OR56B4: variants seen among roughly 807,000 people sequenced by gnomAD.
OR56B4 encodes the protein olfactory receptor 56B4.
For missense variants in OR56B4, 447 were observed against 384.6 expected (o/e 1.16, Z -1.36); for synonymous variants, 142 against 149.5 (o/e 0.95, Z 0.37).
In OR56B4 at chr11:6,108,595, A is replaced by T. The variant is rs780215111; in HGVS notation, c.817A>T (p.Ile273Phe). The change falls in exon 1 of 1, where the codon ATT becomes TTT. Residue 273 changes from isoleucine (I) to phenylalanine (F), a missense_variant. Transcript: ENST00000316529. ...TGTCACACACCTTGCAGAGAAAAAG[A>T]TTCCCCTTATTCCTGTGTTCCTTAA... ...LSVTHLAEKKIPLIPVFLNVL... is the reference protein window; with the variant it reads ...LSVTHLAEKKFPLIPVFLNVL... 1.2e-6 allele frequency: 2 copies of T among 1,614,110 alleles called. No homozygotes were observed. The highest frequency in any genetic ancestry group is 1.7e-5 in the Admixed American group (1 of 60,006).
In OR56B4 at chr11:6,108,691, CTGGG is replaced by C. The variant is rs778687000; in HGVS notation, c.914_917del (p.Leu305ProfsTer25). 6.8e-5 allele frequency: 110 copies of C among 1,614,132 alleles called. No homozygotes were observed. In the South Asian group the frequency reaches 1.1e-3, roughly 16 times the overall value. Reference sequence around the variant, plus strand: ...TGCACTCAGGATGCACAAACTCAGACTGGGCTTTCAGAGACTGCTTGGACTGGGT... The same window carrying C: ...TGCACTCAGGATGCACAAACTCAGACCTTTCAGAGACTGCTTGGACTGGGT... On this transcript the variant is annotated frameshift_variant, in exon 1 of 1. Coordinates refer to ENST00000316529, the MANE Select transcript of OR56B4 (RefSeq NM_001005181.2). LOFTEE classifies it low-confidence loss of function (END_TRUNC).
Position 6,108,809 on chromosome 11 carries a change from T to TA in OR56B4, c.*73dup. Reference sequence around the variant, plus strand: ...TTTAGTTCTCAATAGATCAGGGTTATAATCTGCACTTACCACACTCCCTAG... The same window carrying TA: ...TTTAGTTCTCAATAGATCAGGGTTATAAATCTGCACTTACCACACTCCCTAG... On this transcript the variant is annotated 3_prime_UTR_variant, in exon 1 of 1. Coordinates refer to ENST00000316529, the MANE Select transcript of OR56B4 (RefSeq NM_001005181.2). 9.2e-6 allele frequency: 13 copies of TA among 1,416,574 alleles called. No homozygotes were observed. Among genetic ancestry groups the TA allele is most frequent in the Non-Finnish European group, 1.1e-5 (11 of 1,022,872 alleles). The allele number at this position is 1,416,574 out of a possible 1,614,324, so 87.8% of individuals were successfully genotyped here. A position where few individuals can be genotyped will look rare whatever the true frequency, so the allele number is the denominator to read the frequency against.
chr11:6,108,268 C>T lies in OR56B4; in HGVS notation c.490C>T (p.Pro164Ser). The stretch of plus-strand genomic sequence containing the variant: ...GCTCAGGAATGGCCTGTTGACCATC[C>T]CAGTGCCTATACTGGCTGCCCAGAG... The part of the protein sequence containing the change: ...IMLRNGLLTI[P>S]VPILAAQRHY... The change falls in exon 1 of 1, where the codon CCA (proline) becomes TCA (serine). Residue 164 changes from proline (P) to serine (S), a missense_variant. Transcript: ENST00000316529. The T allele has an allele frequency of 2.5e-6, 4 of 1,614,166 alleles. No homozygotes were observed. The highest frequency in any genetic ancestry group is 3.4e-6 in the Non-Finnish European group (4 of 1,180,014).
chr11:6,107,840 T>C lies in OR56B4; in HGVS notation c.62T>C (p.Met21Thr). The change falls in exon 1 of 1, where the codon ATG (methionine) becomes ACG (threonine). Residue 21 changes from methionine to threonine, a missense_variant. Coordinates refer to ENST00000316529, the MANE Select transcript of OR56B4 (RefSeq NM_001005181.2). Reference sequence around the variant, plus strand: ...CTCCAGATTTCCCAGTTCATCCTGATGGGATTACCAGGCATTCATGAGTGG... The same window carrying C: ...CTCCAGATTTCCCAGTTCATCCTGACGGGATTACCAGGCATTCATGAGTGG... Reference protein sequence around the residue: ...SSLQISQFILMGLPGIHEWQH... With the variant: ...SSLQISQFILTGLPGIHEWQH... 6.2e-7 allele frequency: 1 copy of C among 1,614,136 alleles called. No homozygotes were observed. Among genetic ancestry groups the C allele is most frequent in the South Asian group, 1.1e-5 (1 of 91,070 alleles).
At position 6,108,496 on chromosome 11, in the gene OR56B4, A is replaced by G. The variant is rs753683821; in HGVS notation, c.718A>G (p.Met240Val). The stretch of plus-strand genomic sequence containing the variant: ...GCTGAGGCTGAACTCAGCAGAAGCA[A>G]TGTCCAAGGCTCTGAGCACTTGTAG... ...SVLRLNSAEA[M>V]SKALSTCSSH... Residue 240 changes from methionine (M) to valine (V), a missense_variant, in exon 1 of 1, where the codon ATG becomes GTG. Physicochemically the swap from Met to Val is conservative, Grantham distance 21. Coordinates refer to ENST00000316529, the MANE Select transcript of OR56B4 (RefSeq NM_001005181.2). 5.0e-6 allele frequency: 8 copies of G among 1,614,074 alleles called. No individual in the cohort carries two copies. The highest frequency in any genetic ancestry group is 6.8e-6 in the Non-Finnish European group (8 of 1,180,032).
chr11:6,108,695 G>C lies in OR56B4; in HGVS notation c.917G>C (p.Gly306Ala). The C allele has an allele frequency of 6.2e-7, 1 of 1,613,912 alleles. No individual in the cohort carries two copies. The highest frequency in any genetic ancestry group is 8.5e-7 in the Non-Finnish European group (1 of 1,180,002). Residue 306 changes from glycine to alanine, a missense_variant, in exon 1 of 1, where the codon GGC (glycine) becomes GCC (alanine). Physicochemically the swap from Gly to Ala is moderately conservative, Grantham distance 60. Transcript: ENST00000316529. ...CALRMHKLRL[G>A]FQRLLGLGQD... ...CTCAGGATGCACAAACTCAGACTGG[G>C]CTTTCAGAGACTGCTTGGACTGGGT...
Position 6,108,641 on chromosome 11 carries a change from C to G in OR56B4, c.863C>G (p.Pro288Arg), listed in dbSNP as rs1401054961. ...CTTAATGTGCTGCACAATGTCATCC[C>G]CCCTGCACTCAACCCCCTGGCCTGT... is the stretch of plus-strand genomic sequence containing the variant. ...VFLNVLHNVIPPALNPLACAL... is the reference protein window; with the variant it reads ...VFLNVLHNVIRPALNPLACAL... The change falls in exon 1 of 1, where the codon CCC becomes CGC. Residue 288 changes from proline (P) to arginine (R), a missense_variant. Transcript: ENST00000316529. 3 of 1,613,952 alleles carry G rather than the reference C, an allele frequency of 1.9e-6. No individual in the cohort carries two copies. Among genetic ancestry groups the G allele is most frequent in the African/African-American group, 2.7e-5 (2 of 74,890 alleles).
In OR56B4 at chr11:6,107,782, G is replaced by A. The variant is rs1849021178; in HGVS notation, c.4G>A (p.Asp2Asn). The A allele has an allele frequency of 1.2e-6, 2 of 1,606,770 alleles. No individual in the cohort carries two copies. Among genetic ancestry groups the A allele is most frequent in the Non-Finnish European group, 1.7e-6 (2 of 1,175,892 alleles). Residue 2 changes from aspartate to asparagine, a missense_variant, in exon 1 of 1, where the codon GAT (aspartate) becomes AAT (asparagine). By Grantham distance (23) the Asp-to-Asn change is conservative. Coordinates refer to ENST00000316529, the MANE Select transcript of OR56B4 (RefSeq NM_001005181.2). Reference sequence around the variant, plus strand: ...CTGAGACTGAGGCACCCATTCCATGGATACCTCCACCAGTGTTACCTATGA... The same window carrying A: ...CTGAGACTGAGGCACCCATTCCATGAATACCTCCACCAGTGTTACCTATGA... M[D>N]TSTSVTYDSS...
In OR56B4 at chr11:6,108,440, T is replaced by C; in HGVS notation, c.662T>C (p.Phe221Ser). 1.9e-6 allele frequency: 3 copies of C among 1,614,138 alleles called. No individual in the cohort carries two copies. The highest frequency in any genetic ancestry group is 1.6e-4 in the Middle Eastern group (1 of 6,062). The change falls in exon 1 of 1, where the codon TTT becomes TCT. Residue 221 changes from phenylalanine (F) to serine (S), a missense_variant. Transcript: ENST00000316529. ...GTTGGGAGTGATATGGCTCTGGTAT[T>C]TTCTTCCTATGCTGTAATCCTTCAC... ...VLVGSDMALV[F>S]SSYAVILHSV...
chr11:6,107,877 C>T lies in OR56B4; in HGVS notation c.99C>T (p.Leu33=). 1.2e-6 allele frequency: 2 copies of T among 1,614,172 alleles called. No individual in the cohort carries two copies. The highest frequency in any genetic ancestry group is 1.7e-6 in the Non-Finnish European group (2 of 1,180,004). ...GCATTCATGAGTGGCAGCACTGGCT[C>T]TCCCTGCCCCTGACTCTGCTCTACC... The part of the protein sequence containing the change: ...LPGIHEWQHW[L]SLPLTLLYLL... The change falls in exon 1 of 1, where the codon CTC becomes CTT. Residue 33 remains leucine, a synonymous_variant. Coordinates refer to ENST00000316529, the MANE Select transcript of OR56B4 (RefSeq NM_001005181.2).
chr11:6,108,112 TG>T lies in OR56B4; in HGVS notation c.335del (p.Cys112SerfsTer5). The T allele has an allele frequency of 6.2e-7, 1 of 1,614,186 alleles. No homozygotes were observed. The highest frequency in any genetic ancestry group is 1.1e-5 in the South Asian group (1 of 91,088). On this transcript the variant is annotated frameshift_variant, in exon 1 of 1. Coordinates refer to ENST00000316529, the MANE Select transcript of OR56B4 (RefSeq NM_001005181.2). LOFTEE classifies it low-confidence loss of function (END_TRUNC). ...MCFAQIYAIH[C>X]FFCIESGIFL... ...TTTTGCTCAGATCTATGCCATCCAC[TG>T]CTTCTTCTGCATAGAGTCAGGCATC...
chr11:6,108,757 A>G lies in OR56B4; in HGVS notation c.*19A>G. On this transcript the variant is annotated 3_prime_UTR_variant, in exon 1 of 1. Coordinates refer to ENST00000316529, the MANE Select transcript of OR56B4 (RefSeq NM_001005181.2). ...CAAGTAACTCCAGCTTTAGGAATCC[A>G]GTAAGATGTTAGGAAATGACAGAGG... 6.2e-7 allele frequency: 1 copy of G among 1,610,280 alleles called. No individual in the cohort carries two copies. The highest frequency in any genetic ancestry group is 8.5e-7 in the Non-Finnish European group (1 of 1,177,220).
chr11:6,108,702 G>A lies in OR56B4; in HGVS notation c.924G>A (p.Gln308=), dbSNP rs778144590. The change falls in exon 1 of 1, where the codon CAG becomes CAA. Residue 308 remains glutamine (Q), a synonymous_variant. Coordinates refer to ENST00000316529, the MANE Select transcript of OR56B4 (RefSeq NM_001005181.2). ...LRMHKLRLGF[Q]RLLGLGQDVS... ...TGCACAAACTCAGACTGGGCTTTCA[G>A]AGACTGCTTGGACTGGGTCAGGACG... The A allele has an allele frequency of 6.2e-7, 1 of 1,614,150 alleles. No individual in the cohort carries two copies. Among genetic ancestry groups the A allele is most frequent in the East Asian group, 2.2e-5 (1 of 44,880 alleles).
Position 6,108,782 on chromosome 11 carries a change from GT to G in OR56B4, c.*48del. The G allele has an allele frequency of 1.3e-6, 2 of 1,592,858 alleles. 1 individual carries two copies. The highest frequency in any genetic ancestry group is 2.2e-5 in the South Asian group (2 of 89,258). The stretch of plus-strand genomic sequence containing the variant: ...AGTAAGATGTTAGGAAATGACAGAG[GT>G]TTTAGTTCTCAATAGATCAGGGTTA... On this transcript the variant is annotated 3_prime_UTR_variant, in exon 1 of 1. Transcript: ENST00000316529.
At position 6,108,667 on chromosome 11, in the gene OR56B4, G is replaced by A. The variant is rs972832625; in HGVS notation, c.889G>A (p.Ala297Thr). Residue 297 changes from alanine to threonine, a missense_variant, in exon 1 of 1, where the codon GCA becomes ACA. Ala to Thr is a moderately conservative substitution (Grantham distance 58). Transcript: ENST00000316529. Reference sequence around the variant, plus strand: ...CCCTGCACTCAACCCCCTGGCCTGTGCACTCAGGATGCACAAACTCAGACT... The same window carrying A: ...CCCTGCACTCAACCCCCTGGCCTGTACACTCAGGATGCACAAACTCAGACT... ...IPPALNPLAC[A>T]LRMHKLRLGF... is the part of the protein sequence containing the mutation. 7.4e-6 allele frequency: 12 copies of A among 1,613,894 alleles called. No homozygotes were observed. The highest frequency in any genetic ancestry group is 1.7e-5 in the Admixed American group (1 of 59,992).
rs953667478 is a variant in OR56B4, at chr11:6,108,571, G to A, written c.793G>A (p.Val265Ile). Reference sequence around the variant, plus strand: ...CCACACAGGTATCATTGTGCTGTCTGTCACACACCTTGCAGAGAAAAAGAT... The same window carrying A: ...CCACACAGGTATCATTGTGCTGTCTATCACACACCTTGCAGAGAAAAAGAT... ...LFHTGIIVLS[V>I]THLAEKKIPL... The change falls in exon 1 of 1, where the codon GTC becomes ATC. Residue 265 changes from valine to isoleucine, a missense_variant. Transcript: ENST00000316529. 3.7e-6 allele frequency: 6 copies of A among 1,614,014 alleles called. No individual in the cohort carries two copies. The highest frequency in any genetic ancestry group is 5.1e-6 in the Non-Finnish European group (6 of 1,180,014).
rs746797612 is a variant in OR56B4 at position 6,108,134 on chromosome 11, G to T, written c.356G>T (p.Gly119Val). The stretch of plus-strand genomic sequence containing the variant: ...CACTGCTTCTTCTGCATAGAGTCAG[G>T]CATCTTTCTCTGCATGGCAGTAGAC... Reference protein sequence around the residue: ...AIHCFFCIESGIFLCMAVDRY... With the variant: ...AIHCFFCIESVIFLCMAVDRY... The change falls in exon 1 of 1, where the codon GGC (glycine) becomes GTC (valine). Residue 119 changes from glycine (G) to valine (V), a missense_variant. Gly to Val is a moderately radical substitution (Grantham distance 109). Transcript: ENST00000316529. 6.2e-7 allele frequency: 1 copy of T among 1,613,966 alleles called. No homozygotes were observed. Among genetic ancestry groups the T allele is most frequent in the African/African-American group, 1.3e-5 (1 of 74,900 alleles).
Position 6,108,452 on chromosome 11 carries a change from C to T in OR56B4, c.674C>T (p.Ala225Val), listed in dbSNP as rs1413100297. The T allele has an allele frequency of 1.9e-6, 3 of 1,613,994 alleles. No homozygotes were observed. Among genetic ancestry groups the T allele is most frequent in the East Asian group, 2.2e-5 (1 of 44,894 alleles). ...SDMALVFSSY[A>V]VILHSVLRLN... ...ATGGCTCTGGTATTTTCTTCCTATGCTGTAATCCTTCACTCTGTGCTGAGG... is the reference window on the plus strand; with the variant it reads ...ATGGCTCTGGTATTTTCTTCCTATGTTGTAATCCTTCACTCTGTGCTGAGG... Residue 225 changes from alanine (A) to valine (V), a missense_variant, in exon 1 of 1, where the codon GCT becomes GTT. Coordinates refer to ENST00000316529, the MANE Select transcript of OR56B4 (RefSeq NM_001005181.2).
In OR56B4 at chr11:6,108,413, T is replaced by C; in HGVS notation, c.635T>C (p.Leu212Ser). The C allele has an allele frequency of 6.2e-7, 1 of 1,614,126 alleles. No homozygotes were observed. The highest frequency in any genetic ancestry group is 8.5e-7 in the Non-Finnish European group (1 of 1,180,024). Residue 212 changes from leucine (L) to serine (S), a missense_variant, in exon 1 of 1, where the codon TTG becomes TCG. By Grantham distance (145) the Leu-to-Ser change is moderately radical. Coordinates refer to ENST00000316529, the MANE Select transcript of OR56B4 (RefSeq NM_001005181.2). ...KFYQLMLAWV[L>S]VGSDMALVFS... is the part of the protein sequence containing the mutation. ...TACCAACTGATGCTAGCATGGGTCT[T>C]GGTTGGGAGTGATATGGCTCTGGTA...
Sources: gnomAD v4.1 joint callset for allele counts on GRCh38, gnomAD v4.1.1 for gene constraint, MANE v1.5 for transcripts, NCBI Gene and HGNC (gene_info 2026-07-23, HGNC 2026-07-21) for gene names.